Variants in ASTN1 observed in about 807,000 individuals in gnomAD.
The protein encoded by ASTN1 is astrotactin 1, also known as astrotactin-1.
Under a neutral mutation model 140.7 loss-of-function variants are expected in ASTN1, and 41 were observed. The ratio of observed to expected loss-of-function variants is 0.29; its 90% CI spans 0.23 to 0.38. ASTN1 has a LOEUF of 0.38. Ranked by LOEUF, ASTN1 falls within the 10% of genes least tolerant of loss-of-function variation. ASTN1 has a pLI of 1.00. For synonymous variants in ASTN1, 640 were observed against 652.2 expected, an observed-to-expected ratio of 0.98 and a Z score of 0.29; for missense variants, 1,479 against 1,678.8, an observed-to-expected ratio of 0.88 and a Z score of 2.08.
At position 176,894,747 on chromosome 1, in the gene ASTN1, C is replaced by T. The variant is rs1440221112; in HGVS notation, c.2755G>A (p.Asp919Asn). The T allele has an allele frequency of 1.2e-6, 2 of 1,614,198 alleles. No individual in the cohort carries two copies. Among genetic ancestry groups the T allele is most frequent in the East Asian group, 2.2e-5 (1 of 44,882 alleles). ...GCCGCCATGTGCTTGGTGCCGGAGT[C>T]TGACAAGCTGGTGATGTATTCTGGG... The part of the protein sequence containing the change: ...TFPEYITSLS[D>N]SGTKHMAAGV... Residue 919 changes from aspartate (D) to asparagine (N), a missense_variant, in exon 17 of 23, where the codon GAC becomes AAC. By Grantham distance (23) the Asp-to-Asn change is conservative. This residue lies in a region of ASTN1 where 746 missense variants were observed against 800.9 expected (regional missense o/e 0.93). Coordinates refer to ENST00000361833, the MANE Select transcript of ASTN1 (RefSeq NM_004319.3).
chr1:177,089,935 A>G (rs1200016658), intron 1 of ASTN1, among the ~76,000 whole-genome samples: 1 of 152,106 alleles, frequency 6.6e-6, no homozygotes, highest in African/African-American at 2.4e-5. Flanking sequence ...TTCGGTTCCA[A>G]CATCAAAACC....
chr1:176,863,732 A>G lies in ASTN1; in HGVS notation c.*552T>C. 3.0e-6 allele frequency: 3 copies of G among 986,732 alleles called. No homozygotes were observed. The highest frequency in any genetic ancestry group is 3.6e-6 in the Non-Finnish European group (3 of 830,850). The allele number at this position is 986,732 out of a possible 1,614,324, so 61.1% of individuals were successfully genotyped here. On this transcript the variant is annotated 3_prime_UTR_variant, in exon 23 of 23. Coordinates refer to ENST00000361833, the MANE Select transcript of ASTN1 (RefSeq NM_004319.3). ...ATAGTGATAGCAAGGCCTAGGAAGA[A>G]AACCAGGAGACACAGACAAGGGCCA...
intron 8 of ASTN1, among the ~76,000 whole-genome samples, chr1:177,008,552 GAAGAGC>G (rs1291517080): frequency 6.9e-6 from 1 of 144,774 alleles, no homozygotes; most frequent in Non-Finnish European, 1.5e-5. Context: ...AGAGGGAGAG[GAAGAGC>G]AAGAGAGGGA....
chr1:177,074,944 T>G (rs6678743), intron 1 of ASTN1, among the ~76,000 whole-genome samples: 69,217 of 152,044 alleles, frequency 0.46, 17,207 homozygotes, highest in Non-Finnish European at 0.57. Context: ...TGGTAGTTTC[T>G]AACTGGCACC....
chr1:176,896,043 T>C (rs1324092595), intron 16 of ASTN1, among the ~76,000 whole-genome samples: 1 of 152,094 alleles, frequency 6.6e-6, no homozygotes, highest in Non-Finnish European at 1.5e-5. Flanking sequence ...TACCCGAAGG[T>C]GATTGTAGAT....
chr1:177,010,884 C>T (rs779492076), intron 8 of ASTN1, among the ~76,000 whole-genome samples: 3 of 152,154 alleles, frequency 2.0e-5, no homozygotes, highest in Non-Finnish European at 4.4e-5. Context: ...CAAGAGGTTT[C>T]GTGTTTGTTT....
At chr1:176,897,082 C>G (rs545905723) in intron 16 of ASTN1, among the ~76,000 whole-genome samples, 1 of 152,156 alleles carries the variant, frequency 6.6e-6, no homozygotes, top group East Asian at 1.9e-4. Flanking sequence ...CGAGACCAGC[C>G]TGGCCAACAT....
At chr1:176,860,350 G>C (rs1667926591), downstream of ASTN1, among the ~76,000 whole-genome samples, 1 of 152,230 alleles carries the variant, frequency 6.6e-6, no homozygotes, top group African/African-American at 2.4e-5. Context: ...TGCTTGGGCA[G>C]GGACTTGGAT....
Position 176,894,803 on chromosome 1 carries a change from T to G in ASTN1, c.2699A>C (p.Glu900Ala). Reference protein sequence around the residue: ...KGNSPSDESEERERDPKVLTF... With the variant: ...KGNSPSDESEARERDPKVLTF... ...CAGCACCTTGGGGTCTCTTTCCCGC[T>G]CCTCAGACTCATCTGATGGGGAGTT... The change falls in exon 17 of 23, where the codon GAG (glutamate) becomes GCG (alanine). Residue 900 changes from glutamate (E) to alanine (A), a missense_variant. Glu to Ala is a moderately radical substitution (Grantham distance 107). Transcript: ENST00000361833. 6.2e-7 allele frequency: 1 copy of G among 1,614,046 alleles called. No individual in the cohort carries two copies.
At chr1:176,993,001 A>T in intron 8 of ASTN1, among the ~76,000 whole-genome samples, 1 of 152,232 alleles carries the variant, frequency 6.6e-6, no homozygotes, top group Non-Finnish European at 1.5e-5. Context: ...GAAGAGGAAT[A>T]GACAACGCCA....
In ASTN1 at chr1:176,914,839, A is replaced by T. The variant is rs1015175631; in HGVS notation, c.2671+19313T>A. 2.6e-5 allele frequency among the ~76,000 whole-genome samples: 4 copies of T among 152,220 alleles called. No individual in the cohort carries two copies. The East Asian group carries it at 7.7e-4, about 29-fold the overall frequency. On this transcript the variant is annotated intron_variant, in intron 16 of 22. Transcript: ENST00000361833. ...CAGGGGGTATTTTAGAAGAAATGAAAGGATTTGGTGCCAGATATGGATAGA... is the reference window on the plus strand; with the variant it reads ...CAGGGGGTATTTTAGAAGAAATGAATGGATTTGGTGCCAGATATGGATAGA...
chr1:176,953,419 A>G (rs1672274200), intron 11 of ASTN1, among the ~76,000 whole-genome samples: 1 of 152,258 alleles, frequency 6.6e-6, no homozygotes, highest in African/African-American at 2.4e-5. Context: ...CTTTTACTAA[A>G]TGGCAACCTC....
chr1:176,936,718 T>C (rs1053632171), intron 14 of ASTN1, among the ~76,000 whole-genome samples: 3 of 152,196 alleles, frequency 2.0e-5, no homozygotes, highest in Non-Finnish European at 1.5e-5. Flanking sequence ...TCACACACAA[T>C]AACTTCTGGT....
At chr1:177,046,248 A>G (rs139522482) in intron 2 of ASTN1, among the ~76,000 whole-genome samples, 1 of 152,356 alleles carries the variant, frequency 6.6e-6, no homozygotes, top group Non-Finnish European at 1.5e-5. Context: ...TCAGCAAAGT[A>G]TAACACAATG....
intron 8 of ASTN1, among the ~76,000 whole-genome samples, chr1:176,997,749 C>T (rs908622429): frequency 9.2e-5 from 14 of 152,184 alleles, no homozygotes; most frequent in Admixed American, 5.2e-4. Context: ...AGACAAGGCA[C>T]GCTGGGACGA....
intron 1 of ASTN1, among the ~76,000 whole-genome samples, chr1:177,112,565 T>C (rs1680874039): frequency 6.6e-6 from 1 of 152,202 alleles, no homozygotes; most frequent in Non-Finnish European, 1.5e-5. Flanking sequence ...CAAATAAAGC[T>C]TTCTGTGGTT....
intron 1 of ASTN1, among the ~76,000 whole-genome samples, chr1:177,146,233 A>G (rs1682715493): frequency 1.3e-5 from 2 of 152,210 alleles, no homozygotes; most frequent in Non-Finnish European, 2.9e-5. Context: ...TAGCAAATAC[A>G]CTACACCATG....
chr1:176,956,025 G>A (rs908945391), intron 11 of ASTN1, among the ~76,000 whole-genome samples: 1 of 152,146 alleles, frequency 6.6e-6, no homozygotes, highest in Admixed American at 6.5e-5. Flanking sequence ...TAGTGAAATT[G>A]TCTCCTGAGG....
intron 5 of ASTN1, among the ~76,000 whole-genome samples, chr1:177,026,899 G>A (rs1676144558): frequency 6.6e-6 from 1 of 152,122 alleles, no homozygotes; most frequent in Non-Finnish European, 1.5e-5. Flanking sequence ...TTGTCCCTGG[G>A]AGGATCCTTC....
Sources: allele counts gnomAD v4.1 joint callset (sites outside exome capture counted in the v4.1 genomes callset), GRCh38; gene constraint gnomAD v4.1.1; regional missense constraint gnomAD v4.1.1; transcripts MANE v1.5; gene names NCBI Gene and HGNC (gene_info 2026-07-23, HGNC 2026-07-21).